PROM2: variants seen among roughly 807,000 people sequenced by gnomAD.
PROM2 encodes the protein prominin-2.
PROM2 carries 90 observed loss-of-function variants against 110.2 expected under a neutral mutation model. The ratio of observed to expected loss-of-function variants is 0.82; its 90% CI spans 0.69 to 0.97. The LOEUF (loss-of-function observed/expected upper bound fraction) is 0.97, where lower values mean the gene tolerates loss of function less well. Among genes scored for constraint, PROM2 ranks in the 50% least tolerant of loss-of-function variants. The probability of loss-of-function intolerance (pLI) is 0.00; values close to 1 mark genes in which losing one functional copy is unlikely to be tolerated. For synonymous variants in PROM2, 470 were observed against 467.8 expected, an observed-to-expected ratio of 1.00 and a Z score of -0.06; for missense variants, 1,009 against 1,074.8, an observed-to-expected ratio of 0.94 and a Z score of 0.86.
rs1428371499 is a variant in PROM2, at chr2:95,279,841, G to A, written c.1275-4G>A. 1 of 1,447,674 alleles carries A rather than the reference G, an allele frequency of 6.9e-7. No individual in the cohort carries two copies. The highest frequency in any genetic ancestry group is 9.2e-7 in the Non-Finnish European group (1 of 1,091,288). The allele number at this position is 1,447,674 out of a possible 1,614,324, so 89.7% of individuals were successfully genotyped here. On this transcript the variant is annotated splice_region_variant and splice_polypyrimidine_tract_variant and intron_variant, in intron 10 of 23. Coordinates refer to ENST00000317620, the MANE Select transcript of PROM2 (RefSeq NM_001165978.3). The stretch of plus-strand genomic sequence containing the variant: ...TAGTGACACCCATGTCCTCTCTGTG[G>A]CAGGTGGATCGTGGGCTGCGTGCTG...
At position 95,282,187 on chromosome 2, in the gene PROM2, C is replaced by T. The variant is rs1042987151; in HGVS notation, c.1689C>T (p.Asn563=). ...CGCTCTGGACAGTCCTGCAGCTCAA[C>T]GACTCCTACGACCTGGAGGAGCACC... ...GAALWTVLQL[N]DSYDLEEHLD... is the part of the protein sequence containing the mutation. Residue 563 remains asparagine (N), a synonymous_variant, in exon 14 of 24, where the codon AAC becomes AAT. Coordinates refer to ENST00000317620, the MANE Select transcript of PROM2 (RefSeq NM_001165978.3). 12 of 1,613,890 alleles carry T rather than the reference C, an allele frequency of 7.4e-6. No homozygotes were observed. The highest frequency in any genetic ancestry group is 1.7e-5 in the Admixed American group (1 of 59,998).
intron 14 of PROM2, 138 bp from the exon 15 acceptor site, chr2:95,284,831 G>C: frequency 9.9e-7 from 1 of 1,010,526 alleles, no homozygotes; most frequent in Non-Finnish European, 1.4e-6. Flanking sequence ...CAACACCGGG[G>C]ATCACATTGC....
rs371837159 is a variant in PROM2, at chr2:95,288,101, G to A, written c.2245-110G>A. ...ACAAGTGTGCGGTGGCCCCAATGGT[G>A]TCCCCAGGCCTTTCTGTGTCCCTGT... is the stretch of plus-strand genomic sequence containing the variant. On this transcript the variant is annotated intron_variant, in intron 20 of 23. Transcript: ENST00000317620. The A allele has an allele frequency of 1.7e-4, 175 of 1,041,114 alleles. No individual in the cohort carries two copies. The African/African-American group carries it at 2.3e-3, about 14-fold the overall frequency. 64.5% of individuals were successfully genotyped at this position (1,041,114 alleles called of 1,614,324 possible).
chr2:95,283,961 A>G (rs991447652), intron 14 of PROM2, among the ~76,000 whole-genome samples: 2 of 152,238 alleles, frequency 1.3e-5, no homozygotes, highest in African/African-American at 4.8e-5. Flanking sequence ...TTTCAGAGCA[A>G]CAAGTGCTTT....
intron 15 of PROM2, 35 bp from the exon 16 acceptor site, chr2:95,285,604 G>T: frequency 6.4e-6 from 10 of 1,553,184 alleles, no homozygotes; most frequent in South Asian, 1.2e-5. Context: ...GGGGAGCTGG[G>T]TTCATCCCTC....
Position 95,287,438 on chromosome 2 carries a change from C to T in PROM2, c.2218C>T (p.Gln740Ter), listed in dbSNP as rs1293329656. The T allele has an allele frequency of 6.2e-7, 1 of 1,614,060 alleles. No homozygotes were observed. Among genetic ancestry groups the T allele is most frequent in the Non-Finnish European group, 8.5e-7 (1 of 1,180,010 alleles). ...GGCCCGGGAGATGGGCTACTTCTCC[C>T]AGTACGTGGCCTGGGTGAGAGAGGA... The part of the protein sequence containing the change: ...FLAREMGYFS[Q>*]YVAWVREEVT... The change falls in exon 20 of 24, where the codon CAG (glutamine) becomes TAG (stop). Residue 740 changes from glutamine (Q) to a stop codon, truncating the protein, a stop_gained. Coordinates refer to ENST00000317620, the MANE Select transcript of PROM2 (RefSeq NM_001165978.3). LOFTEE classifies it high-confidence loss of function.
At chr2:95,282,089 A>C in intron 13 of PROM2, 53 bp from the exon 14 acceptor site, 2 of 1,597,382 alleles carry the variant, frequency 1.3e-6, no homozygotes, top group Non-Finnish European at 1.7e-6. Context: ...AGGGGACATC[A>C]GCCCCCCCGC....
intron 14 of PROM2, 26 bp from the exon 15 acceptor site, chr2:95,284,943 C>A (rs894660222): frequency 6.9e-6 from 11 of 1,602,984 alleles, no homozygotes; most frequent in African/African-American, 1.3e-5. Flanking sequence ...CTGGGCATGA[C>A]TCCCACCCTG....
chr2:95,276,135 A>G lies in PROM2; in HGVS notation c.497+3A>G. On this transcript the variant is annotated splice_donor_region_variant and intron_variant, in intron 3 of 23. Coordinates refer to ENST00000317620, the MANE Select transcript of PROM2 (RefSeq NM_001165978.3). This position sits in a 1 kb window ranked among gnomAD's most constrained non-coding sequence, Gnocchi z 4.6. ...CTGCTGACCACCCTCTTGCTGCTGTAAGGCGCTGCCCAGGGCCCGGGTAGG... is the reference window on the plus strand; with the variant it reads ...CTGCTGACCACCCTCTTGCTGCTGTGAGGCGCTGCCCAGGGCCCGGGTAGG... The G allele has an allele frequency of 6.2e-7, 1 of 1,612,180 alleles. No homozygotes were observed. Among genetic ancestry groups the G allele is most frequent in the Non-Finnish European group, 8.5e-7 (1 of 1,179,410 alleles).
At chr2:95,283,249 G>A (rs1423233804) in intron 14 of PROM2, among the ~76,000 whole-genome samples, 1 of 152,246 alleles carries the variant, frequency 6.6e-6, no homozygotes, top group African/African-American at 2.4e-5. Flanking sequence ...AGGAAGCCAT[G>A]GCTCTCGAGG....
In PROM2 at chr2:95,281,362, T is replaced by C; in HGVS notation, c.1548T>C (p.Phe516=). The C allele has an allele frequency of 1.3e-6, 2 of 1,597,364 alleles. No homozygotes were observed. The highest frequency in any genetic ancestry group is 4.5e-5 in the East Asian group (2 of 44,026). The part of the protein sequence containing the change: ...VCQSWENGEL[F]EFADTPGNLP... ...AGAGCTGGGAGAACGGCGAGCTCTT[T>C]GAGGTAGGCCTGTCTCTGCTCACAG... The change falls in exon 12 of 24, where the codon TTT becomes TTC. Residue 516 remains phenylalanine (F), a synonymous_variant. Transcript: ENST00000317620.
Position 95,276,635 on chromosome 2 carries a change from G to A in PROM2, c.660G>A (p.Glu220=). ...AVAQQFSLPQ[E]QVSEELDGVG... Reference sequence around the variant, plus strand: ...CACAGCAATTCTCCCTGCCCCAGGAGCAAGTCTCAGAGGAGCTGGATGGTG... The same window carrying A: ...CACAGCAATTCTCCCTGCCCCAGGAACAAGTCTCAGAGGAGCTGGATGGTG... Residue 220 remains glutamate, a synonymous_variant, in exon 5 of 24, where the codon GAG becomes GAA. Coordinates refer to ENST00000317620, the MANE Select transcript of PROM2 (RefSeq NM_001165978.3). This position sits in a 1 kb window ranked among gnomAD's most constrained non-coding sequence, Gnocchi z 4.6. 4 of 1,613,342 alleles carry A rather than the reference G, an allele frequency of 2.5e-6. No homozygotes were observed. Among genetic ancestry groups the A allele is most frequent in the East Asian group, 2.2e-5 (1 of 44,868 alleles).
Position 95,281,356 on chromosome 2 carries a change from G to A in PROM2, c.1542G>A (p.Glu514=), listed in dbSNP as rs1198612266. 3.7e-6 allele frequency: 6 copies of A among 1,611,128 alleles called. No homozygotes were observed. The Admixed American group carries it at 6.7e-5, about 18-fold the overall frequency. Residue 514 remains glutamate (E), a synonymous_variant, in exon 12 of 24, where the codon GAG becomes GAA. Transcript: ENST00000317620. The stretch of plus-strand genomic sequence containing the variant: ...TGTGCCAGAGCTGGGAGAACGGCGA[G>A]CTCTTTGAGGTAGGCCTGTCTCTGC... ...TLVCQSWENG[E]LFEFADTPGN...
Position 95,275,667 on chromosome 2 carries a change from G to A in PROM2, c.294+157G>A, listed in dbSNP as rs1413592452. 1.3e-5 allele frequency among the ~76,000 whole-genome samples: 2 copies of A among 152,190 alleles called. No individual in the cohort carries two copies. Among genetic ancestry groups the A allele is most frequent in the African/African-American group, 2.4e-5 (1 of 41,446 alleles). ...CCCTCCTCTGTGGGCGCTGCAGTCCGTAGACCTGGGTGCAAACCACAGCTC... is the reference window on the plus strand; with the variant it reads ...CCCTCCTCTGTGGGCGCTGCAGTCCATAGACCTGGGTGCAAACCACAGCTC... On this transcript the variant is annotated intron_variant, in intron 2 of 23. Transcript: ENST00000317620. The surrounding 1 kb of genome is among the most constrained non-coding windows in gnomAD (Gnocchi z 4.4).
Position 95,288,558 on chromosome 2 carries a change from A to C in PROM2, c.2410A>C (p.Lys804Gln). 6.2e-7 allele frequency: 1 copy of C among 1,614,176 alleles called. No homozygotes were observed. The highest frequency in any genetic ancestry group is 2.2e-5 in the East Asian group (1 of 44,870). Residue 804 changes from lysine to glutamine, a missense_variant, in exon 22 of 24, where the codon AAA becomes CAA. Coordinates refer to ENST00000317620, the MANE Select transcript of PROM2 (RefSeq NM_001165978.3). ...CATCATCTTTGCCGTCAAGACCTCC[A>C]AATACTTCCGTCCTATCCGGAAACG... ...PSIIFAVKTSKYFRPIRKRLS... is the reference protein window; with the variant it reads ...PSIIFAVKTSQYFRPIRKRLS...
intron 9 of PROM2, 75 bp from the exon 10 acceptor site, chr2:95,278,910 C>T: frequency 1.2e-6 from 2 of 1,601,648 alleles, no homozygotes; most frequent in Non-Finnish European, 1.7e-6. Flanking sequence ...CCCAGATGTT[C>T]TTCCTGCCCG....
At position 95,278,708 on chromosome 2, in the gene PROM2, T is replaced by C. The variant is rs60721112; in HGVS notation, c.1051-13T>C. 526 of 1,614,010 alleles carry C rather than the reference T, an allele frequency of 3.3e-4. 3 individuals carry two copies. In the African/African-American group the frequency reaches 6.4e-3, roughly 20 times the overall value. Reference sequence around the variant, plus strand: ...CAGAGATGGGGAGGCCCAGCACTACTTGGTTCCTGCAGGAGAACAGCACCT... The same window carrying C: ...CAGAGATGGGGAGGCCCAGCACTACCTGGTTCCTGCAGGAGAACAGCACCT... On this transcript the variant is annotated splice_polypyrimidine_tract_variant and intron_variant, in intron 8 of 23. Transcript: ENST00000317620.
rs1471071661 is a variant in PROM2, at chr2:95,276,710, C to T, written c.682+53C>T. On this transcript the variant is annotated intron_variant, in intron 5 of 23. Transcript: ENST00000317620. This position sits in a 1 kb window ranked among gnomAD's most constrained non-coding sequence, Gnocchi z 4.6. ...GCTGGCTCCTTCCAGGGCCCCTGCT[C>T]GGGTGCCTCGGTGGGGGCCTCTCAC... 1.5e-5 allele frequency: 24 copies of T among 1,585,118 alleles called. No homozygotes were observed. Among genetic ancestry groups the T allele is most frequent in the African/African-American group, 1.1e-4 (8 of 74,294 alleles).
chr2:95,282,785 G>C (rs985633571), intron 14 of PROM2, among the ~76,000 whole-genome samples: 4 of 152,186 alleles, frequency 2.6e-5, no homozygotes, highest in African/African-American at 9.7e-5. Flanking sequence ...GCAAGGAAGG[G>C]CTGTTTCACA....
Sources: allele counts gnomAD v4.1 joint callset (sites outside exome capture counted in the v4.1 genomes callset), GRCh38; gene constraint gnomAD v4.1.1; non-coding constraint Gnocchi (gnomAD v3.1); transcripts MANE v1.5; gene names NCBI Gene and HGNC (gene_info 2026-07-23, HGNC 2026-07-21).